The following CAMTA1 variants were observed in gnomAD, a reference collection of about 807,000 sequenced individuals.
The protein encoded by CAMTA1 is calmodulin binding transcription activator 1.
CAMTA1 carries 27 observed loss-of-function variants against 170.9 expected under a neutral mutation model. The ratio of observed to expected loss-of-function variants is 0.16; its 90% CI spans 0.12 to 0.22. The LOEUF is 0.22. Among genes scored for constraint, CAMTA1 ranks in the 10% least tolerant of loss-of-function variants. The pLI, the probability that CAMTA1 is intolerant of heterozygous loss-of-function variation, is 1.00. For missense variants in CAMTA1, 1,619 were observed against 2,217.2 expected (o/e 0.73, Z 5.42); for synonymous variants, 833 against 891.5 (o/e 0.93, Z 1.17).
In CAMTA1 at chr1:7,069,921, T is replaced by C. The variant is rs148144892; in HGVS notation, c.235-21383T>C. On this transcript the variant is annotated intron_variant, in intron 3 of 22. Coordinates refer to ENST00000303635, the MANE Select transcript of CAMTA1 (RefSeq NM_015215.4). Reference sequence around the variant, plus strand: ...AAAAGCATTGTGCAGCTGAGACTTATAAAGCCCGGCACCAGCGTGAGGCCA... The same window carrying C: ...AAAAGCATTGTGCAGCTGAGACTTACAAAGCCCGGCACCAGCGTGAGGCCA... Among the ~76,000 whole-genome samples the C allele has an allele frequency of 5.2e-3, 787 of 152,376 alleles. 6 individuals are homozygous for C. The highest frequency in any genetic ancestry group is 0.018 in the African/African-American group (732 of 41,584).
chr1:6,818,040 T>A (rs1646038724), intron 1 of CAMTA1, among the ~76,000 whole-genome samples: 1 of 152,112 alleles, frequency 6.6e-6, no homozygotes, highest in African/African-American at 2.4e-5. Context: ...ATTGCAACAT[T>A]TTTTGGCATA....
At position 7,254,041 on chromosome 1, in the gene CAMTA1, G is replaced by A. The variant is rs546504535; in HGVS notation, c.438+4415G>A. Among the ~76,000 whole-genome samples the A allele has an allele frequency of 8.3e-4, 126 of 152,256 alleles. 1 individual carries two copies. Among genetic ancestry groups the A allele is most frequent in the African/African-American group, 2.9e-3 (121 of 41,544 alleles). ...GGCCCTGTGTGGGGGATGCAGGAGGGGAACCTGAGGCCGACTTGGCCTGAA... is the reference window on the plus strand; with the variant it reads ...GGCCCTGTGTGGGGGATGCAGGAGGAGAACCTGAGGCCGACTTGGCCTGAA... On this transcript the variant is annotated intron_variant, in intron 5 of 22. Coordinates refer to ENST00000303635, the MANE Select transcript of CAMTA1 (RefSeq NM_015215.4).
intron 5 of CAMTA1, among the ~76,000 whole-genome samples, chr1:7,383,516 T>C (rs964978905): frequency 6.6e-6 from 1 of 152,166 alleles, no homozygotes; most frequent in Non-Finnish European, 1.5e-5. Flanking sequence ...TCTGTAAAAA[T>C]GGGCGTAGGA....
At chr1:7,524,567 G>C (rs2094408019) in intron 6 of CAMTA1, among the ~76,000 whole-genome samples, 1 of 152,160 alleles carries the variant, frequency 6.6e-6, no homozygotes, top group African/African-American at 2.4e-5. Flanking sequence ...CTGTGGAAGA[G>C]CACTCAGTCT....
chr1:7,555,505 C>T (rs2150212665), intron 6 of CAMTA1, among the ~76,000 whole-genome samples: 1 of 152,206 alleles, frequency 6.6e-6, no homozygotes, highest in African/African-American at 2.4e-5. Flanking sequence ...TCCCCAAAGC[C>T]ACTCTCTCAT....
At chr1:7,486,431 A>G (rs934090520) in intron 6 of CAMTA1, among the ~76,000 whole-genome samples, 1 of 152,130 alleles carries the variant, frequency 6.6e-6, no homozygotes, top group Non-Finnish European at 1.5e-5. Flanking sequence ...CCAACCTCCT[A>G]GGACCTGTTT....
intron 6 of CAMTA1, among the ~76,000 whole-genome samples, chr1:7,623,185 G>A (rs1558017487): frequency 6.6e-6 from 1 of 152,130 alleles, no homozygotes; most frequent in Non-Finnish European, 1.5e-5. Context: ...GCTCTTTGAG[G>A]GCAGAGTCTT....
At chr1:6,984,924 C>T (rs1307173190) in intron 3 of CAMTA1, among the ~76,000 whole-genome samples, 2 of 152,216 alleles carry the variant, frequency 1.3e-5, no homozygotes, top group East Asian at 1.9e-4. Flanking sequence ...GTCACACATT[C>T]GGACTGTGGG....
At position 7,736,304 on chromosome 1, in the gene CAMTA1, C is replaced by CT; in HGVS notation, c.3067-37dup. ...TCGAAGCGCTGATGGGGTCGAGGGC[C>CT]TTTAGTCCTGAGGTCGTAACGTGCG... On this transcript the variant is annotated intron_variant, in intron 12 of 22. Coordinates refer to ENST00000303635, the MANE Select transcript of CAMTA1 (RefSeq NM_015215.4). The surrounding 1 kb of genome is among the most constrained non-coding windows in gnomAD (Gnocchi z 4.5). 2 of 1,585,704 alleles carry CT rather than the reference C, an allele frequency of 1.3e-6. No homozygotes were observed. Among genetic ancestry groups the CT allele is most frequent in the Non-Finnish European group, 1.7e-6 (2 of 1,159,842 alleles).
At chr1:7,214,855 CTTTCTT>C (rs1659464038) in intron 4 of CAMTA1, among the ~76,000 whole-genome samples, 1 of 79,364 alleles carries the variant, frequency 1.3e-5, no homozygotes, top group African/African-American at 7.6e-5. Context: ...CTTTTTCTTT[CTTTCTT>C]TTTTTTTTTT....
At chr1:7,228,296 C>T (rs1021387646) in intron 4 of CAMTA1, among the ~76,000 whole-genome samples, 2 of 152,160 alleles carry the variant, frequency 1.3e-5, no homozygotes, top group South Asian at 2.1e-4. Context: ...GGTGGTGTTG[C>T]GAGCTCTTCA....
chr1:7,604,522 C>G (rs1251196060), intron 6 of CAMTA1, among the ~76,000 whole-genome samples: 4 of 152,216 alleles, frequency 2.6e-5, no homozygotes, highest in Non-Finnish European at 4.4e-5. Flanking sequence ...CCGTGGTTTT[C>G]AGCTCCATCA....
At chr1:7,276,303 A>ATATATATATATATATATATTTTTT in intron 5 of CAMTA1, among the ~76,000 whole-genome samples, 6 of 24,220 alleles carry the variant, frequency 2.5e-4, no homozygotes, top group Non-Finnish European at 3.0e-4. Flanking sequence ...ATATATATAT[A>ATATATATATATATATATATTTTTT]TTTTTTTTTT....
intron 4 of CAMTA1, among the ~76,000 whole-genome samples, chr1:7,192,008 C>T (rs981844718): frequency 6.6e-6 from 1 of 151,272 alleles, no homozygotes; most frequent in Middle Eastern, 3.4e-3. Flanking sequence ...TTGAGATCCT[C>T]TTCCATTAGC....
In CAMTA1 at chr1:6,887,516, G is replaced by T; in HGVS notation, c.234+62306G>T. The T allele has an allele frequency of 7.6e-7, 1 of 1,313,366 alleles. No individual in the cohort carries two copies. Among genetic ancestry groups the T allele is most frequent in the Middle Eastern group, 2.0e-4 (1 of 5,078 alleles). The allele number at this position is 1,313,366 out of a possible 1,614,324, so 81.4% of individuals were successfully genotyped here. On this transcript the variant is annotated intron_variant, in intron 3 of 22. Transcript: ENST00000303635. This position sits in a 1 kb window ranked among gnomAD's most constrained non-coding sequence, Gnocchi z 4.1. ...TGTTCATCTGTATACGTATGTGTGT[G>T]TTTAATATATACTTTAGTTTGCCTT...
chr1:7,546,715 A>C (rs1365365653), intron 6 of CAMTA1, among the ~76,000 whole-genome samples: 5 of 152,210 alleles, frequency 3.3e-5, no homozygotes, highest in African/African-American at 1.2e-4. Context: ...ATGAGATGGT[A>C]TCTCATTGTG....
chr1:7,212,615 A>G (rs1487503334), intron 4 of CAMTA1, among the ~76,000 whole-genome samples: 1 of 152,180 alleles, frequency 6.6e-6, no homozygotes, highest in Non-Finnish European at 1.5e-5. Context: ...GCACCCTTTG[A>G]GCTGTTTTTC....
At chr1:7,002,229 T>A (rs144741457) in intron 3 of CAMTA1, among the ~76,000 whole-genome samples, 4 of 152,294 alleles carry the variant, frequency 2.6e-5, no homozygotes, top group African/African-American at 9.6e-5. Flanking sequence ...TCCCCTGTTC[T>A]GTACCCCAAT....
At chr1:7,033,261 AT>A (rs1703055276) in intron 3 of CAMTA1, among the ~76,000 whole-genome samples, 1 of 151,630 alleles carries the variant, frequency 6.6e-6, no homozygotes, top group African/African-American at 2.4e-5. Context: ...GTTCACTAAT[AT>A]TTTCTTTAGT....
Sources: gnomAD v4.1 joint callset for allele counts (sites outside exome capture counted in the v4.1 genomes callset) on GRCh38, gnomAD v4.1.1 for gene constraint, Gnocchi (gnomAD v3.1) non-coding constraint, MANE v1.5 for transcripts, NCBI Gene and HGNC (gene_info 2026-07-23, HGNC 2026-07-21) for gene names.